The following SNAPC3 variants were observed in gnomAD, a reference collection of about 807,000 sequenced individuals.
SNAPC3 encodes small nuclear RNA activating complex polypeptide 3, also known as snRNA-activating protein complex subunit 3.
Under a neutral mutation model 47.7 loss-of-function variants are expected in SNAPC3, and 56 were observed. The ratio of observed to expected loss-of-function variants is 1.18; its 90% CI spans 0.95 to 1.47. The LOEUF is 1.47. Ranked by LOEUF, SNAPC3 falls within the 40% of genes most tolerant of loss-of-function variation. The probability of loss-of-function intolerance (pLI) is 0.00; values close to 1 mark genes in which losing one functional copy is unlikely to be tolerated. For missense variants in SNAPC3, 665 were observed against 511.3 expected (o/e 1.30, Z -2.90); for synonymous variants, 235 against 189.9 (o/e 1.24, Z -1.95).
chr9:15,453,032 C>A lies in SNAPC3; in HGVS notation c.816-9C>A. The A allele has an allele frequency of 6.3e-7, 1 of 1,595,632 alleles. No individual in the cohort carries two copies. Among genetic ancestry groups the A allele is most frequent in the East Asian group, 2.2e-5 (1 of 44,582 alleles). On this transcript the variant is annotated splice_polypyrimidine_tract_variant and intron_variant, in intron 6 of 8. Transcript: ENST00000380821. Reference sequence around the variant, plus strand: ...AAAAATGATATATCCTTGCCTTTTCCCCCCTCAGAACTATCATTGAGTGGT... The same window carrying A: ...AAAAATGATATATCCTTGCCTTTTCACCCCTCAGAACTATCATTGAGTGGT...
At chr9:15,434,872 T>C (rs1279522968) in intron 3 of SNAPC3, among the ~76,000 whole-genome samples, 2 of 152,244 alleles carry the variant, frequency 1.3e-5, no homozygotes, top group Admixed American at 6.5e-5. Flanking sequence ...CTTTTGGCTA[T>C]TGCGAATAAT....
intron 3 of SNAPC3, among the ~76,000 whole-genome samples, chr9:15,440,237 T>C (rs898859822): frequency 6.6e-6 from 1 of 152,218 alleles, no homozygotes; most frequent in Non-Finnish European, 1.5e-5. Flanking sequence ...TAATACTGGC[T>C]TCTATATTTA....
intron 7 of SNAPC3, among the ~76,000 whole-genome samples, chr9:15,454,907 T>C (rs774156752): frequency 9.2e-5 from 14 of 152,140 alleles, no homozygotes; most frequent in South Asian, 2.1e-4. Flanking sequence ...GCACTCCAGC[T>C]TGGGTGACAG....
intron 5 of SNAPC3, among the ~76,000 whole-genome samples, chr9:15,448,494 A>G (rs1211144205): frequency 2.6e-5 from 4 of 151,886 alleles, no homozygotes; most frequent in Non-Finnish European, 5.9e-5. Context: ...ATTATATGCA[A>G]TTTTTCTTGA....
At chr9:15,428,111 CAAAAAAAAAAAAA>C (rs34074367) in intron 2 of SNAPC3, among the ~76,000 whole-genome samples, 4 of 73,016 alleles carry the variant, frequency 5.5e-5, no homozygotes, top group Admixed American at 1.8e-4. Flanking sequence ...ACTCTGTCTC[CAAAAAAAAAAAAA>C]AAAAAAAAAC....
rs930860162 is a variant in SNAPC3 at position 15,453,130 on chromosome 9, G to A, written c.905G>A (p.Cys302Tyr). The change falls in exon 7 of 9, where the codon TGT (cysteine) becomes TAT (tyrosine). Residue 302 changes from cysteine (C) to tyrosine (Y), a missense_variant. Coordinates refer to ENST00000380821, the MANE Select transcript of SNAPC3 (RefSeq NM_001039697.2). Reference sequence around the variant, plus strand: ...GAAGATTTCACCTTCAATGACTTGTGTATTAAACTGGGTTTTCCTTACTTA... The same window carrying A: ...GAAGATTTCACCTTCAATGACTTGTATATTAAACTGGGTTTTCCTTACTTA... ...RMEDFTFNDL[C>Y]IKLGFPYLYC... 1 of 1,612,606 alleles carries A rather than the reference G, an allele frequency of 6.2e-7. No individual in the cohort carries two copies. Among genetic ancestry groups the A allele is most frequent in the Non-Finnish European group, 8.5e-7 (1 of 1,178,766 alleles).
rs751054038 is a variant in SNAPC3, at chr9:15,444,709, A to G, written c.582+3A>G. The stretch of plus-strand genomic sequence containing the variant: ...TGTACCCTGTTATATTTCATAAGGT[A>G]AGTAGTAAAACCTTTTGGATTTTAT... On this transcript the variant is annotated splice_donor_region_variant and intron_variant, in intron 4 of 8. Transcript: ENST00000380821. 1.3e-6 allele frequency: 2 copies of G among 1,487,312 alleles called. No homozygotes were observed. The highest frequency in any genetic ancestry group is 1.9e-6 in the Non-Finnish European group (2 of 1,072,324). 92.1% of individuals were successfully genotyped at this position (1,487,312 alleles called of 1,614,324 possible).
At chr9:15,448,930 C>T (rs1233935031) in intron 5 of SNAPC3, among the ~76,000 whole-genome samples, 1 of 151,990 alleles carries the variant, frequency 6.6e-6, no homozygotes, top group African/African-American at 2.4e-5. Flanking sequence ...GTGCTTCAGC[C>T]TCCCAAGTAG....
Position 15,422,998 on chromosome 9 carries a change from G to C in SNAPC3, c.119G>C (p.Arg40Pro). The change falls in exon 1 of 9, where the codon CGC becomes CCC. Residue 40 changes from arginine to proline, a missense_variant. Arg to Pro is a moderately radical substitution (Grantham distance 103). Transcript: ENST00000380821. ...PEYELPELNT[R>P]AFHVGAFGEL... ...TATGAGCTTCCCGAGCTAAATACGCGCGCTTTCCATGTGGGCGCCTTTGGG... is the reference window on the plus strand; with the variant it reads ...TATGAGCTTCCCGAGCTAAATACGCCCGCTTTCCATGTGGGCGCCTTTGGG... 1 of 1,545,688 alleles carries C rather than the reference G, an allele frequency of 6.5e-7. No homozygotes were observed. Among genetic ancestry groups the C allele is most frequent in the South Asian group, 1.2e-5 (1 of 82,660 alleles).
intron 4 of SNAPC3, 136 bp downstream of exon 4, chr9:15,444,842 A>C (rs559185966): frequency 1.9e-6 from 1 of 513,244 alleles, no homozygotes; most frequent in African/African-American, 2.0e-5. Context: ...CTGTAATCTC[A>C]GCACTTTGGG....
At chr9:15,457,424 G>C (rs1481100216) in intron 7 of SNAPC3, among the ~76,000 whole-genome samples, 1 of 151,852 alleles carries the variant, frequency 6.6e-6, no homozygotes, top group African/African-American at 2.4e-5. Context: ...GTGAGACCGT[G>C]TCTCTACAAA....
chr9:15,463,414 A>G (rs2035372633), downstream of SNAPC3: 1 of 148,242 alleles, frequency 6.7e-6, no homozygotes, highest in Non-Finnish European at 1.5e-5. Context: ...TTATCCAGTA[A>G]TCAAAACACA....
rs186785019 is a variant in SNAPC3 at position 15,442,914 on chromosome 9, A to T, written c.478-1688A>T. On this transcript the variant is annotated intron_variant, in intron 3 of 8. Transcript: ENST00000380821. ...CTGAGTGAAGGAGACTCCGTCTGCA[A>T]TCCCGGCACCTCGGGAGGCTGAGGC... is the stretch of plus-strand genomic sequence containing the variant. 7.2e-5 allele frequency among the ~76,000 whole-genome samples: 11 copies of T among 152,348 alleles called. No individual in the cohort carries two copies. In the East Asian group the frequency reaches 2.1e-3, roughly 29 times the overall value.
chr9:15,464,391 CTAA>C, downstream of SNAPC3: 1 of 195,952 alleles, frequency 5.1e-6, no homozygotes, highest in East Asian at 8.1e-5. Flanking sequence ...CCAAATGACC[CTAA>C]TATTCAAAAT....
chr9:15,454,842 G>T (rs1490681250), intron 7 of SNAPC3, among the ~76,000 whole-genome samples: 2 of 152,180 alleles, frequency 1.3e-5, no homozygotes, highest in African/African-American at 4.8e-5. Context: ...GCTGAGGCAG[G>T]AGAATGGCGT....
chr9:15,434,204 A>C lies in SNAPC3; in HGVS notation c.477+568A>C, dbSNP rs563573028. Among the ~76,000 whole-genome samples the C allele has an allele frequency of 2.6e-5, 4 of 152,302 alleles. 1 individual carries two copies. The South Asian group carries it at 8.3e-4, about 32-fold the overall frequency. ...TAAAGTGTTCAATTAAGTGGCAATA[A>C]GTACATTCACAATGCTGTAAATCAT... On this transcript the variant is annotated intron_variant, in intron 3 of 8. Transcript: ENST00000380821.
chr9:15,450,915 A>G (rs1009616864), intron 5 of SNAPC3, among the ~76,000 whole-genome samples: 1 of 152,226 alleles, frequency 6.6e-6, no homozygotes, highest in Non-Finnish European at 1.5e-5. Context: ...CCTAAGAGTT[A>G]CTGAAAATAT....
At chr9:15,454,383 G>A (rs2034619715) in intron 7 of SNAPC3, among the ~76,000 whole-genome samples, 1 of 152,204 alleles carries the variant, frequency 6.6e-6, no homozygotes, top group Non-Finnish European at 1.5e-5. Flanking sequence ...CACAGAAAGT[G>A]TAAACCATGA....
Position 15,461,111 on chromosome 9 carries a change from A to G in SNAPC3, c.*1245A>G, listed in dbSNP as rs2035181993. The G allele has an allele frequency of 6.6e-6, 1 of 151,650 alleles. No homozygotes were observed. The allele number at this position is 151,650 out of a possible 1,614,324, so 9.4% of individuals were successfully genotyped here. A position where few individuals can be genotyped will look rare whatever the true frequency, so the allele number is the denominator to read the frequency against. On this transcript the variant is annotated 3_prime_UTR_variant, in exon 9 of 9. Transcript: ENST00000380821. ...TTCTTCTGGTCCCCTTACTATAGTA[A>G]TTCTAGTTACTCTCATCTTATTCTG... is the stretch of plus-strand genomic sequence containing the variant.
Sources: allele counts gnomAD v4.1 joint callset (sites outside exome capture counted in the v4.1 genomes callset), GRCh38; gene constraint gnomAD v4.1.1; transcripts MANE v1.5; gene names NCBI Gene and HGNC (gene_info 2026-07-23, HGNC 2026-07-21).